Variants in ITFG1 observed in about 807,000 individuals in gnomAD.
The protein encoded by ITFG1 is T-cell immunomodulatory protein.
ITFG1 carries 34 observed loss-of-function variants against 81.8 expected under a neutral mutation model. The observed-to-expected ratio is 0.42, with a 90% CI of 0.32 to 0.55. The LOEUF is 0.55. ITFG1 is among the 20% of genes least tolerant of loss of function. The probability of loss-of-function intolerance (pLI) is 0.17; values close to 1 mark genes in which losing one functional copy is unlikely to be tolerated. For missense variants in ITFG1, 672 were observed against 755.4 expected (o/e 0.89, Z 1.29); for synonymous variants, 285 against 270.6 (o/e 1.05, Z -0.52).
intron 14 of ITFG1, among the ~76,000 whole-genome samples, chr16:47,185,993 T>G (rs1395624387): frequency 6.6e-6 from 1 of 152,136 alleles, no homozygotes; most frequent in Non-Finnish European, 1.5e-5. Flanking sequence ...TCTATGCAAA[T>G]AAACTAGAAA....
Position 47,278,060 on chromosome 16 carries a change from T to C in ITFG1, c.1071-17365A>G, listed in dbSNP as rs1021395891. Among the ~76,000 whole-genome samples the C allele has an allele frequency of 1.3e-5, 2 of 152,222 alleles. 1 individual carries two copies. The highest frequency in any genetic ancestry group is 2.9e-5 in the Non-Finnish European group (2 of 68,032). On this transcript the variant is annotated intron_variant, in intron 10 of 17. Coordinates refer to ENST00000320640, the MANE Select transcript of ITFG1 (RefSeq NM_030790.5). ...CCAATTATTTATTCACATATCTACCTGTGTTCCCTCATACTCCTATTGTCT... is the reference window on the plus strand; with the variant it reads ...CCAATTATTTATTCACATATCTACCCGTGTTCCCTCATACTCCTATTGTCT...
At chr16:47,419,973 A>C (rs1968924364) in intron 6 of ITFG1, among the ~76,000 whole-genome samples, 1 of 142,984 alleles carries the variant, frequency 7.0e-6, no homozygotes, top group African/African-American at 2.6e-5. Context: ...TTTTTTGGAG[A>C]CCAGCTTTTG....
chr16:47,396,777 A>T lies in ITFG1; in HGVS notation c.656-20837T>A, dbSNP rs150607729. On this transcript the variant is annotated intron_variant, in intron 6 of 17. Coordinates refer to ENST00000320640, the MANE Select transcript of ITFG1 (RefSeq NM_030790.5). ...AGCGTTGCAGGGAGGGCACTTAAGC[A>T]TGTAACCTAGAGGGATAAGGGGTGG... 9.4e-4 allele frequency among the ~76,000 whole-genome samples: 143 copies of T among 152,276 alleles called. 1 individual carries two copies. The highest frequency in any genetic ancestry group is 3.3e-3 in the African/African-American group (139 of 41,552).
At chr16:47,161,217 G>A (rs989032669) in intron 16 of ITFG1, among the ~76,000 whole-genome samples, 5 of 152,126 alleles carry the variant, frequency 3.3e-5, no homozygotes, top group Non-Finnish European at 7.4e-5. Flanking sequence ...CCTACCATTC[G>A]CTTACCACAT....
intron 5 of ITFG1, chr16:47,448,072 C>T (rs950130974): frequency 2.6e-5 from 4 of 152,108 alleles, no homozygotes; most frequent in East Asian, 1.9e-4. Context: ...TGGGTATTAA[C>T]GCTGATTACA....
chr16:47,247,178 C>A (rs1966011166), intron 12 of ITFG1, among the ~76,000 whole-genome samples: 2 of 152,160 alleles, frequency 1.3e-5, no homozygotes, highest in African/African-American at 4.8e-5. Flanking sequence ...GTCTGAAAAA[C>A]ATTAGGTTTC....
rs1968318812 is a variant in ITFG1 at position 47,375,955 on chromosome 16, A to G, written c.656-15T>C. 2 of 1,561,750 alleles carry G rather than the reference A, an allele frequency of 1.3e-6. No individual in the cohort carries two copies. The highest frequency in any genetic ancestry group is 1.1e-5 in the South Asian group (1 of 88,054). ...CAGGAATAAATCTAGAAGGAAAAAT[A>G]ATAAAAACGTAAAGTTTTGTAGTCT... On this transcript the variant is annotated splice_polypyrimidine_tract_variant and intron_variant, in intron 6 of 17. Coordinates refer to ENST00000320640, the MANE Select transcript of ITFG1 (RefSeq NM_030790.5).
At chr16:47,168,183 G>A (rs1325804862) in intron 14 of ITFG1, among the ~76,000 whole-genome samples, 1 of 152,196 alleles carries the variant, frequency 6.6e-6, no homozygotes, top group Non-Finnish European at 1.5e-5. Flanking sequence ...GACCAATTAT[G>A]TAGGACATCT....
At chr16:47,321,783 T>G (rs1444279548) in intron 8 of ITFG1, among the ~76,000 whole-genome samples, 1 of 152,112 alleles carries the variant, frequency 6.6e-6, no homozygotes, top group East Asian at 1.9e-4. Context: ...TTTTAGAAAA[T>G]AAAATTAAGA....
In ITFG1 at chr16:47,168,472, C is replaced by G. The variant is rs536626686; in HGVS notation, c.1454-5808G>C. Among the ~76,000 whole-genome samples, 12 of 152,120 alleles carry G rather than the reference C, an allele frequency of 7.9e-5. No homozygotes were observed. The East Asian group carries it at 1.4e-3, about 17-fold the overall frequency. On this transcript the variant is annotated intron_variant, in intron 14 of 17. Coordinates refer to ENST00000320640, the MANE Select transcript of ITFG1 (RefSeq NM_030790.5). The stretch of plus-strand genomic sequence containing the variant: ...CATTGCAGCCTCGATCTCCTGGGCT[C>G]CAGTGATCCCAGCTCAGCTTCCCAA...
intron 10 of ITFG1, among the ~76,000 whole-genome samples, chr16:47,283,791 C>G (rs1052143505): frequency 6.6e-6 from 1 of 152,150 alleles, no homozygotes; most frequent in Non-Finnish European, 1.5e-5. Flanking sequence ...CAATAGGAAA[C>G]TAATACACAA....
chr16:47,313,006 A>C (rs1967291361), intron 9 of ITFG1: 1 of 152,220 alleles, frequency 6.6e-6, no homozygotes, highest in Admixed American at 6.5e-5. Flanking sequence ...TAACAGTTAA[A>C]TGTTTTCATT....
intron 10 of ITFG1, among the ~76,000 whole-genome samples, chr16:47,274,455 C>T (rs990878194): frequency 6.6e-6 from 1 of 152,072 alleles, no homozygotes; most frequent in African/African-American, 2.4e-5. Flanking sequence ...GAGAACAGAA[C>T]ACTTAGACAA....
At chr16:47,412,208 C>T (rs1968819978) in intron 6 of ITFG1, among the ~76,000 whole-genome samples, 1 of 152,184 alleles carries the variant, frequency 6.6e-6, no homozygotes, top group African/African-American at 2.4e-5. Flanking sequence ...GTCAGAGTGT[C>T]TCCTTACCTC....
Position 47,226,358 on chromosome 16 carries a change from C to T in ITFG1, c.1375-7412G>A, listed in dbSNP as rs1300880387. Among the ~76,000 whole-genome samples the T allele has an allele frequency of 3.9e-5, 6 of 152,134 alleles. No homozygotes were observed. The East Asian group carries it at 5.8e-4, about 15-fold the overall frequency. ...CCAAGTAGCTGGGACTACAGGCATG[C>T]GCCACCACACCCGGTTAATTTTTGT... is the stretch of plus-strand genomic sequence containing the variant. On this transcript the variant is annotated intron_variant, in intron 13 of 17. Transcript: ENST00000320640.
chr16:47,209,453 C>G (rs1191682879), intron 14 of ITFG1, among the ~76,000 whole-genome samples: 1 of 152,132 alleles, frequency 6.6e-6, no homozygotes, highest in Non-Finnish European at 1.5e-5. Flanking sequence ...ATTTTTACCA[C>G]CACAGATCTT....
chr16:47,192,790 T>C (rs1200768913), intron 14 of ITFG1, among the ~76,000 whole-genome samples: 3 of 152,142 alleles, frequency 2.0e-5, no homozygotes, highest in Admixed American at 2.0e-4. Context: ...TTTACTCTCT[T>C]CCCTCTACAC....
intron 6 of ITFG1, among the ~76,000 whole-genome samples, chr16:47,396,524 T>TGTGTGTGTG (rs1555514103): frequency 0.021 from 3,131 of 149,188 alleles, 122 homozygotes; most frequent in African/African-American, 0.073. Context: ...AATAATTATT[T>TGTGTGTGTG]TGTGTGTGTG....
chr16:47,436,957 A>G (rs1268293437), intron 5 of ITFG1, among the ~76,000 whole-genome samples: 1 of 152,222 alleles, frequency 6.6e-6, no homozygotes, highest in Non-Finnish European at 1.5e-5. Context: ...CTCTTCATTT[A>G]GAGGCACCTC....
Sources: gnomAD v4.1 joint callset for allele counts (sites outside exome capture counted in the v4.1 genomes callset) on GRCh38, gnomAD v4.1.1 for gene constraint, MANE v1.5 for transcripts, NCBI Gene and HGNC (gene_info 2026-07-23, HGNC 2026-07-21) for gene names.